Variants in LYNX1 observed in about 807,000 individuals in gnomAD.
LYNX1 encodes ly-6/neurotoxin-like protein 1.
A neutral mutation model predicts 8.3 loss-of-function variants in LYNX1; 8 were observed. The ratio of observed to expected loss-of-function variants is 0.97; its 90% CI spans 0.57 to 1.74. The LOEUF (loss-of-function observed/expected upper bound fraction) is 1.74. LYNX1 is among the 40% of genes most tolerant of loss of function. The pLI, the probability that LYNX1 is intolerant of heterozygous loss-of-function variation, is 0.00. For missense variants in LYNX1, 158 were observed against 159.7 expected, an observed-to-expected ratio of 0.99 and a Z score of 0.06; for synonymous variants, 73 against 67.9, an observed-to-expected ratio of 1.08 and a Z score of -0.37.
chr8:142,777,665 G>A (rs4355750), upstream of LYNX1: 119,442 of 395,432 alleles, frequency 0.3, 19,875 homozygotes, highest in Non-Finnish European at 0.34. Flanking sequence ...CCGGCTCGCC[G>A]GGCAAGCGCT....
Position 142,775,606 on chromosome 8 carries a change from C to A in LYNX1, c.141G>T (p.Met47Ile). The change falls in exon 3 of 4, where the codon ATG becomes ATT. Residue 47 changes from methionine to isoleucine, a missense_variant. By Grantham distance (10) the Met-to-Ile change is conservative. Coordinates refer to ENST00000652477, the MANE Select transcript of LYNX1 (RefSeq NM_177477.4). ...MRCPAMVAYCMTTRTYYTPTR... is the reference protein window; with the variant it reads ...MRCPAMVAYCITTRTYYTPTR... ...CCCCAGACTCACAGGTGCGCGTGGT[C>A]ATGCAGTAGGCAACCATAGCCGGGC... The A allele has an allele frequency of 6.3e-7, 1 of 1,595,662 alleles. No individual in the cohort carries two copies. The highest frequency in any genetic ancestry group is 1.1e-5 in the South Asian group (1 of 87,924).
rs769932215 is a variant in LYNX1 at position 142,775,145 on chromosome 8, G to C, written c.*22C>G. ...AGTGTGTCTCGAGAGCTTTGTTCTT[G>C]AGTGGGTCTGCCTCGGGGGCTTTAG... On this transcript the variant is annotated 3_prime_UTR_variant, in exon 4 of 4. Coordinates refer to ENST00000652477, the MANE Select transcript of LYNX1 (RefSeq NM_177477.4). The C allele has an allele frequency of 6.2e-7, 1 of 1,604,238 alleles. No homozygotes were observed. Among genetic ancestry groups the C allele is most frequent in the Non-Finnish European group, 8.5e-7 (1 of 1,176,124 alleles).
Position 142,774,704 on chromosome 8 carries a change from C to A in LYNX1, c.*463G>T. 1 of 1,000,898 alleles carries A rather than the reference C, an allele frequency of 1.0e-6. No homozygotes were observed. The highest frequency in any genetic ancestry group is 5.5e-5 in the Admixed American group (1 of 18,300). 62.0% of individuals were successfully genotyped at this position (1,000,898 alleles called of 1,614,324 possible). A position where few individuals can be genotyped will look rare whatever the true frequency, so the allele number is the denominator to read the frequency against. ...GGCAGCTCCTGGCCTCAGTAGGAAG[C>A]GTGACTAGGCCTGGAGGAGCCTTTC... On this transcript the variant is annotated 3_prime_UTR_variant, in exon 4 of 4. Transcript: ENST00000652477.
Position 142,771,287 on chromosome 8 carries a change from G to T in LYNX1, c.*3880C>A, listed in dbSNP as rs372007041. On this transcript the variant is annotated 3_prime_UTR_variant, in exon 4 of 4. Coordinates refer to ENST00000652477, the MANE Select transcript of LYNX1 (RefSeq NM_177477.4). ...GGGTTAGGGCAAGCATTAGCAGCAG[G>T]GGCATGGCCCTGGGAAGCACCTGGA... The T allele has an allele frequency of 8.1e-6, 8 of 985,518 alleles. No homozygotes were observed. The highest frequency in any genetic ancestry group is 9.6e-6 in the Non-Finnish European group (8 of 829,978). The allele number at this position is 985,518 out of a possible 1,614,324, so 61.0% of individuals were successfully genotyped here.
At position 142,773,642 on chromosome 8, in the gene LYNX1, C is replaced by A. The variant is rs1815271299; in HGVS notation, c.*1525G>T. ...CAGAACGCAGGCCTGCATATAGACT[C>A]ACTGCAAGGAGACCCCTGGGGTGGA... is the stretch of plus-strand genomic sequence containing the variant. On this transcript the variant is annotated 3_prime_UTR_variant, in exon 4 of 4. Transcript: ENST00000652477. 6 of 985,418 alleles carry A rather than the reference C, an allele frequency of 6.1e-6. No individual in the cohort carries two copies. Among genetic ancestry groups the A allele is most frequent in the Middle Eastern group, 1.0e-3 (2 of 1,914 alleles). 61.0% of individuals were successfully genotyped at this position (985,418 alleles called of 1,614,324 possible).
rs893794243 is a variant in LYNX1 at position 142,771,318 on chromosome 8, G to A, written c.*3849C>T. The A allele has an allele frequency of 1.0e-6, 1 of 985,474 alleles. No individual in the cohort carries two copies. The highest frequency in any genetic ancestry group is 1.2e-6 in the Non-Finnish European group (1 of 830,030). The allele number at this position is 985,474 out of a possible 1,614,324, so 61.0% of individuals were successfully genotyped here. A position where few individuals can be genotyped will look rare whatever the true frequency, so the allele number is the denominator to read the frequency against. On this transcript the variant is annotated 3_prime_UTR_variant, in exon 4 of 4. Transcript: ENST00000652477. ...GGCCCTGGGAAGCACCTGGACCCCA[G>A]AACATAAGACAGGAGGGAGAGATGC...
chr8:142,772,829 G>A lies in LYNX1; in HGVS notation c.*2338C>T, dbSNP rs1025756389. 1 of 985,838 alleles carries A rather than the reference G, an allele frequency of 1.0e-6. No individual in the cohort carries two copies. Among genetic ancestry groups the A allele is most frequent in the African/African-American group, 1.7e-5 (1 of 57,366 alleles). 61.1% of individuals were successfully genotyped at this position (985,838 alleles called of 1,614,324 possible). A position where few individuals can be genotyped will look rare whatever the true frequency, so the allele number is the denominator to read the frequency against. On this transcript the variant is annotated 3_prime_UTR_variant, in exon 4 of 4. Transcript: ENST00000652477. ...TGTGTGCTCTACGCCAGGTGCCAAG[G>A]GCAGGCCAGCCAGGCAGAACCATGT...
At chr8:142,775,440 A>T in intron 3 of LYNX1, 77 bp from the exon 4 acceptor site, 1 of 1,587,092 alleles carries the variant, frequency 6.3e-7, no homozygotes, top group Admixed American at 1.7e-5. Flanking sequence ...CAGCATCCAC[A>T]GCCATCAGGG....
In LYNX1 at chr8:142,774,460, G is replaced by A. The variant is rs1026911001; in HGVS notation, c.*707C>T. ...CAGCTTCAGGCCTGGTGCCCTCCCCGTGAGGGGGTGGGAAACGTCAAGGGG... is the reference window on the plus strand; with the variant it reads ...CAGCTTCAGGCCTGGTGCCCTCCCCATGAGGGGGTGGGAAACGTCAAGGGG... On this transcript the variant is annotated 3_prime_UTR_variant, in exon 4 of 4. Coordinates refer to ENST00000652477, the MANE Select transcript of LYNX1 (RefSeq NM_177477.4). The A allele has an allele frequency of 8.1e-6, 8 of 985,612 alleles. No individual in the cohort carries two copies. The highest frequency in any genetic ancestry group is 1.7e-5 in the African/African-American group (1 of 57,214). The allele number at this position is 985,612 out of a possible 1,614,324, so 61.1% of individuals were successfully genotyped here.
Position 142,772,775 on chromosome 8 carries a change from G to C in LYNX1, c.*2392C>G. The C allele has an allele frequency of 1.0e-6, 1 of 985,546 alleles. No homozygotes were observed. Among genetic ancestry groups the C allele is most frequent in the Non-Finnish European group, 1.2e-6 (1 of 829,998 alleles). 61.1% of individuals were successfully genotyped at this position (985,546 alleles called of 1,614,324 possible). Reference sequence around the variant, plus strand: ...CACAGCCACGCACTCCCCATGAGTGGGCCTGCCCAGCATTAGCTGAGTGCC... The same window carrying C: ...CACAGCCACGCACTCCCCATGAGTGCGCCTGCCCAGCATTAGCTGAGTGCC... On this transcript the variant is annotated 3_prime_UTR_variant, in exon 4 of 4. Transcript: ENST00000652477.
At position 142,774,268 on chromosome 8, in the gene LYNX1, G is replaced by A. The variant is rs779384861; in HGVS notation, c.*899C>T. 5.3e-5 allele frequency: 52 copies of A among 985,248 alleles called. No individual in the cohort carries two copies. Among genetic ancestry groups the A allele is most frequent in the Admixed American group, 1.8e-4 (3 of 16,254 alleles). The allele number at this position is 985,248 out of a possible 1,614,324, so 61.0% of individuals were successfully genotyped here. A position where few individuals can be genotyped will look rare whatever the true frequency, so the allele number is the denominator to read the frequency against. On this transcript the variant is annotated 3_prime_UTR_variant, in exon 4 of 4. Transcript: ENST00000652477. ...TGCTCCCAACCCCCAGCCTGTGCGC[G>A]CATCCCCCAGTCCTGCGTCTTTTGC...
Position 142,774,953 on chromosome 8 carries a change from T to C in LYNX1, c.*214A>G, listed in dbSNP as rs1815338689. The stretch of plus-strand genomic sequence containing the variant: ...ATCAGCCCATCAAAGCCGGACACTT[T>C]TGGGATCCCACACAGCATCGAAAGG... On this transcript the variant is annotated 3_prime_UTR_variant, in exon 4 of 4. Transcript: ENST00000652477. 7.0e-7 allele frequency: 1 copy of C among 1,423,528 alleles called. No homozygotes were observed. Among genetic ancestry groups the C allele is most frequent in the South Asian group, 1.5e-5 (1 of 64,788 alleles). 88.2% of individuals were successfully genotyped at this position (1,423,528 alleles called of 1,614,324 possible).
rs587747914 is a variant in LYNX1, at chr8:142,775,450, G to A, written c.155-87C>T. ...CACCCCAGCATCCACAGCCATCAGG[G>A]CAGGGCCCCTCAGCCTGGAGCTCCC... is the stretch of plus-strand genomic sequence containing the variant. On this transcript the variant is annotated intron_variant, in intron 3 of 3. Coordinates refer to ENST00000652477, the MANE Select transcript of LYNX1 (RefSeq NM_177477.4). 9.9e-5 allele frequency: 156 copies of A among 1,582,008 alleles called. 1 individual carries two copies. The South Asian group carries it at 1.7e-3, about 18-fold the overall frequency.
At position 142,772,845 on chromosome 8, in the gene LYNX1, AG is replaced by A. The variant is rs1255365972; in HGVS notation, c.*2321del. 1.0e-6 allele frequency: 1 copy of A among 985,800 alleles called. No homozygotes were observed. The highest frequency in any genetic ancestry group is 1.1e-4 in the East Asian group (1 of 8,834). The allele number at this position is 985,800 out of a possible 1,614,324, so 61.1% of individuals were successfully genotyped here. A position where few individuals can be genotyped will look rare whatever the true frequency, so the allele number is the denominator to read the frequency against. On this transcript the variant is annotated 3_prime_UTR_variant, in exon 4 of 4. Coordinates refer to ENST00000652477, the MANE Select transcript of LYNX1 (RefSeq NM_177477.4). ...GGTGCCAAGGGCAGGCCAGCCAGGCAGAACCATGTGTGGGGCTGGGACAGGT... is the reference window on the plus strand; with the variant it reads ...GGTGCCAAGGGCAGGCCAGCCAGGCAAACCATGTGTGGGGCTGGGACAGGT...
chr8:142,774,981 A>G lies in LYNX1; in HGVS notation c.*186T>C, dbSNP rs1815339888. The G allele has an allele frequency of 9.1e-6, 13 of 1,433,118 alleles. No individual in the cohort carries two copies. In the South Asian group the frequency reaches 2.0e-4, roughly 22 times the overall value. The allele number at this position is 1,433,118 out of a possible 1,614,324, so 88.8% of individuals were successfully genotyped here. A position where few individuals can be genotyped will look rare whatever the true frequency, so the allele number is the denominator to read the frequency against. On this transcript the variant is annotated 3_prime_UTR_variant, in exon 4 of 4. Coordinates refer to ENST00000652477, the MANE Select transcript of LYNX1 (RefSeq NM_177477.4). Reference sequence around the variant, plus strand: ...GGATCCCACACAGCATCGAAAGGTCAAGGCCTCGAAGTGAGGTCGTGTGGT... The same window carrying G: ...GGATCCCACACAGCATCGAAAGGTCGAGGCCTCGAAGTGAGGTCGTGTGGT...
Position 142,773,236 on chromosome 8 carries a change from C to G in LYNX1, c.*1931G>C. 3 of 985,540 alleles carry G rather than the reference C, an allele frequency of 3.0e-6. No individual in the cohort carries two copies. The highest frequency in any genetic ancestry group is 3.6e-6 in the Non-Finnish European group (3 of 829,988). The allele number at this position is 985,540 out of a possible 1,614,324, so 61.0% of individuals were successfully genotyped here. On this transcript the variant is annotated 3_prime_UTR_variant, in exon 4 of 4. Transcript: ENST00000652477. ...TGAGAGGGCCTCATTTGGGCACTGC[C>G]CTGAGGCTGGCACTTGCAGGTGGGG...
chr8:142,772,071 C>T lies in LYNX1; in HGVS notation c.*3096G>A. 1.0e-6 allele frequency: 1 copy of T among 986,596 alleles called. No homozygotes were observed. Among genetic ancestry groups the T allele is most frequent in the South Asian group, 4.7e-5 (1 of 21,330 alleles). The allele number at this position is 986,596 out of a possible 1,614,324, so 61.1% of individuals were successfully genotyped here. A position where few individuals can be genotyped will look rare whatever the true frequency, so the allele number is the denominator to read the frequency against. Reference sequence around the variant, plus strand: ...TCCAGTTCCCAGAATGTATAACATCCCAGGGTGCCAGAGCCCGCCCAAGCA... The same window carrying T: ...TCCAGTTCCCAGAATGTATAACATCTCAGGGTGCCAGAGCCCGCCCAAGCA... On this transcript the variant is annotated 3_prime_UTR_variant, in exon 4 of 4. Coordinates refer to ENST00000652477, the MANE Select transcript of LYNX1 (RefSeq NM_177477.4).
chr8:142,771,940 A>G lies in LYNX1; in HGVS notation c.*3227T>C. On this transcript the variant is annotated 3_prime_UTR_variant, in exon 4 of 4. Coordinates refer to ENST00000652477, the MANE Select transcript of LYNX1 (RefSeq NM_177477.4). ...TGACCTGGCCATGTCCCCAGGTCCC[A>G]CCCCAGGGTCACTTCCTGTAGCTCC... 1.0e-6 allele frequency: 1 copy of G among 985,820 alleles called. No individual in the cohort carries two copies. The highest frequency in any genetic ancestry group is 1.2e-6 in the Non-Finnish European group (1 of 830,022). The allele number at this position is 985,820 out of a possible 1,614,324, so 61.1% of individuals were successfully genotyped here. A position where few individuals can be genotyped will look rare whatever the true frequency, so the allele number is the denominator to read the frequency against.
At position 142,775,908 on chromosome 8, in the gene LYNX1, A is replaced by T. The variant is rs1754677192; in HGVS notation, c.50T>A (p.Leu17Gln). The change falls in exon 2 of 4, where the codon CTG becomes CAG. Residue 17 changes from leucine to glutamine, a missense_variant and splice_region_variant. By Grantham distance (113) the Leu-to-Gln change is moderately radical. Coordinates refer to ENST00000652477, the MANE Select transcript of LYNX1 (RefSeq NM_177477.4). ...LILVVLMGLP[L>Q]AQALDCHVCA... ...CCTCTGTCCTTTGTCCATCTTACCC[A>T]GAGGTAAGCCCATGAGGACCACCAG... is the stretch of plus-strand genomic sequence containing the variant. The T allele has an allele frequency of 1.2e-6, 2 of 1,614,094 alleles. 1 individual carries two copies. Among genetic ancestry groups the T allele is most frequent in the Non-Finnish European group, 1.7e-6 (2 of 1,179,992 alleles).
Sources: gnomAD v4.1 joint callset for allele counts on GRCh38, gnomAD v4.1.1 for gene constraint, MANE v1.5 for transcripts, NCBI Gene and HGNC (gene_info 2026-07-23, HGNC 2026-07-21) for gene names.